Variants in SUMF1 observed in about 807,000 individuals in gnomAD.
The protein encoded by SUMF1 is formylglycine-generating enzyme.
In SUMF1, 48 loss-of-function variants were observed where a neutral mutation model predicts 47.6. The observed-to-expected ratio is 1.01, with a 90% CI of 0.80 to 1.28. The LOEUF is 1.28. Ranked by LOEUF, SUMF1 falls within the 50% of genes most tolerant of loss-of-function variation. The probability of loss-of-function intolerance (pLI) is 0.00; values close to 1 mark genes in which losing one functional copy is unlikely to be tolerated. For missense variants in SUMF1, 571 were observed against 485.4 expected (o/e 1.18, Z -1.66); for synonymous variants, 230 against 192.1 (o/e 1.20, Z -1.63).
chr3:4,164,615 C>A (rs550315341), intron 8 of SUMF1, among the ~76,000 whole-genome samples: 2 of 152,320 alleles, frequency 1.3e-5, no homozygotes, highest in East Asian at 3.9e-4. Flanking sequence ...CCTCTCTGAA[C>A]CACCAAGGTT....
Position 4,233,865 on chromosome 3 carries a change from T to C in SUMF1, c.1014+142465A>G, listed in dbSNP as rs556371616. On this transcript the variant is annotated intron_variant and NMD_transcript_variant, in intron 8 of 12. Coordinates refer to the SUMF1 transcript ENST00000448413. ...TCCTCAAAGTAACAGCACCAGGGTTTGCACCGATGCACCAATAAATATTCA... is the reference window on the plus strand; with the variant it reads ...TCCTCAAAGTAACAGCACCAGGGTTCGCACCGATGCACCAATAAATATTCA... 3.3e-5 allele frequency among the ~76,000 whole-genome samples: 5 copies of C among 152,252 alleles called. No homozygotes were observed. The East Asian group carries it at 9.7e-4, about 29-fold the overall frequency.
intron 8 of SUMF1, among the ~76,000 whole-genome samples, chr3:4,200,512 G>A (rs1346715902): frequency 6.6e-6 from 1 of 152,078 alleles, no homozygotes; most frequent in Non-Finnish European, 1.5e-5. Flanking sequence ...TATGGGACTT[G>A]CACCAGCAGC....
chr3:4,292,803 G>C (rs1426179281), intron 8 of SUMF1, among the ~76,000 whole-genome samples: 1 of 152,102 alleles, frequency 6.6e-6, no homozygotes, highest in African/African-American at 2.4e-5. Flanking sequence ...AAACAAAAAT[G>C]CTCTTTGGGG....
chr3:4,401,323 T>C (rs924206132), intron 7 of SUMF1, among the ~76,000 whole-genome samples: 1 of 152,202 alleles, frequency 6.6e-6, no homozygotes, highest in Non-Finnish European at 1.5e-5. Context: ...CCTTTGGGTA[T>C]ATACCCAGTA....
intron 3 of SUMF1, among the ~76,000 whole-genome samples, chr3:4,428,632 G>A (rs1294112808): frequency 6.6e-6 from 1 of 152,162 alleles, no homozygotes; most frequent in Non-Finnish European, 1.5e-5. Context: ...GGGATTACAG[G>A]CATGAGCCAC....
intron 9 of SUMF1, among the ~76,000 whole-genome samples, chr3:4,065,268 A>AAC (rs1695350348): frequency 6.6e-6 from 1 of 152,006 alleles, no homozygotes; most frequent in African/African-American, 2.4e-5. Context: ...TTACCTCTCC[A>AAC]TCTGCTCATC....
chr3:4,123,060 C>T (rs189588087), intron 8 of SUMF1, among the ~76,000 whole-genome samples: 17 of 151,728 alleles, frequency 1.1e-4, no homozygotes, highest in East Asian at 1.9e-4. Flanking sequence ...ATGCAACTTA[C>T]GAAACATTGA....
Position 4,256,641 on chromosome 3 carries a change from T to A in SUMF1, c.1014+119689A>T, listed in dbSNP as rs1472793590. 1.9e-3 allele frequency among the ~76,000 whole-genome samples: 288 copies of A among 151,620 alleles called. 1 individual carries two copies. The highest frequency in any genetic ancestry group is 4.1e-3 in the Admixed American group (63 of 15,220). ...AATAATCAATAGTTTACCAACCAAA[T>A]AGAGTCCAGGACCAGATGGATTCAC... On this transcript the variant is annotated intron_variant and NMD_transcript_variant, in intron 8 of 12. Transcript: ENST00000448413.
At chr3:4,109,869 A>T (rs1020695461) in intron 8 of SUMF1, among the ~76,000 whole-genome samples, 3 of 152,058 alleles carry the variant, frequency 2.0e-5, no homozygotes, top group Non-Finnish European at 2.9e-5. Flanking sequence ...CATGGGTTCA[A>T]ACTTCCTCCT....
chr3:4,130,275 G>T (rs988921869), intron 8 of SUMF1, among the ~76,000 whole-genome samples: 3 of 152,120 alleles, frequency 2.0e-5, no homozygotes, highest in African/African-American at 4.8e-5. Context: ...CACATCTCCT[G>T]GTACCTGGTA....
chr3:4,041,318 C>T (rs138227804), intron 9 of SUMF1, among the ~76,000 whole-genome samples: 15 of 152,284 alleles, frequency 9.9e-5, no homozygotes, highest in Non-Finnish European at 1.3e-4. Context: ...GTGATCTGCC[C>T]TCCTCGGCCT....
chr3:4,319,259 A>G (rs1025871163), intron 8 of SUMF1, among the ~76,000 whole-genome samples: 2 of 152,220 alleles, frequency 1.3e-5, no homozygotes, highest in African/African-American at 4.8e-5. Context: ...TCCTGTTACC[A>G]AAATGACAGG....
At chr3:4,344,225 G>A (rs1309770472) in intron 8 of SUMF1, among the ~76,000 whole-genome samples, 2 of 152,056 alleles carry the variant, frequency 1.3e-5, no homozygotes, top group Non-Finnish European at 2.9e-5. Context: ...AGAAGGAAGA[G>A]CAGTGTGGTG....
At chr3:4,034,571 T>A (rs1251227016) in intron 9 of SUMF1, among the ~76,000 whole-genome samples, 1 of 152,150 alleles carries the variant, frequency 6.6e-6, no homozygotes, top group Non-Finnish European at 1.5e-5. Flanking sequence ...AAGCCCAGAA[T>A]CTGCATTTGG....
intron 8 of SUMF1, among the ~76,000 whole-genome samples, chr3:4,210,868 C>G (rs1586267): frequency 0.044 from 6,599 of 151,604 alleles, 418 homozygotes; most frequent in East Asian, 0.18. Context: ...TGGGCACCAC[C>G]TAATCAGCTG....
At chr3:4,099,975 T>C (rs879668191) in intron 8 of SUMF1, among the ~76,000 whole-genome samples, 1 of 151,490 alleles carries the variant, frequency 6.6e-6, no homozygotes, top group African/African-American at 2.4e-5. Flanking sequence ...TGGAAAGATA[T>C]CCCATGTTCA....
At chr3:4,219,284 C>A (rs1039621958) in intron 8 of SUMF1, among the ~76,000 whole-genome samples, 1 of 152,120 alleles carries the variant, frequency 6.6e-6, no homozygotes, top group East Asian at 1.9e-4. Context: ...TTGATCCTTA[C>A]AAATCAATGA....
At chr3:4,252,782 A>G (rs1273141917) in intron 8 of SUMF1, among the ~76,000 whole-genome samples, 4 of 149,852 alleles carry the variant, frequency 2.7e-5, no homozygotes. Context: ...TACCTCCAAG[A>G]AAAAAAAAAC....
intron 1 of SUMF1, among the ~76,000 whole-genome samples, chr3:4,456,970 ACG>A (rs1491264047): frequency 7.5e-6 from 1 of 133,896 alleles, no homozygotes; most frequent in African/African-American, 2.7e-5. Context: ...GTATATATAT[ACG>A]TGTGTGTATA....
Sources: gnomAD v4.1 joint callset for allele counts (sites outside exome capture counted in the v4.1 genomes callset) on GRCh38, gnomAD v4.1.1 for gene constraint, MANE v1.5 for transcripts, NCBI Gene and HGNC (gene_info 2026-07-23, HGNC 2026-07-21) for gene names.